The following TMTC2 variants were observed in gnomAD, a reference collection of about 807,000 sequenced individuals.
TMTC2 encodes the protein protein O-mannosyl-transferase TMTC2.
Under a neutral mutation model 82.4 loss-of-function variants are expected in TMTC2, and 43 were observed. The ratio of observed to expected loss-of-function variants is 0.52; its 90% CI spans 0.41 to 0.67. The LOEUF is 0.67. Ranked by LOEUF, TMTC2 falls within the 30% of genes least tolerant of loss-of-function variation. The pLI is 0.00. For synonymous variants in TMTC2, 408 were observed against 381.9 expected (o/e 1.07, Z -0.80); for missense variants, 919 against 1,012.4 (o/e 0.91, Z 1.25).
intron 4 of TMTC2, among the ~76,000 whole-genome samples, chr12:82,954,232 T>C (rs1350081644): frequency 6.6e-6 from 1 of 152,184 alleles, no homozygotes; most frequent in Non-Finnish European, 1.5e-5. Flanking sequence ...CATGGCTTGA[T>C]CTGTCTGGAA....
chr12:82,998,458 CAA>C (rs1230558477), intron 8 of TMTC2, among the ~76,000 whole-genome samples: 1 of 151,880 alleles, frequency 6.6e-6, no homozygotes, highest in East Asian at 1.9e-4. Context: ...TTAAAAAAAA[CAA>C]AAACAACTTT....
intron 4 of TMTC2, among the ~76,000 whole-genome samples, chr12:82,949,783 A>G (rs1409075159): frequency 2.0e-5 from 3 of 152,174 alleles, no homozygotes; most frequent in African/African-American, 4.8e-5. Context: ...TTCCCTGGCT[A>G]TGCCATTTTG....
intron 2 of TMTC2, among the ~76,000 whole-genome samples, chr12:82,873,307 G>T (rs1481497550): frequency 6.6e-6 from 1 of 151,470 alleles, no homozygotes; most frequent in Non-Finnish European, 1.5e-5. Flanking sequence ...AACCATGTGG[G>T]TCAGTAAACC....
intron 11 of TMTC2, among the ~76,000 whole-genome samples, chr12:83,107,493 C>G (rs1401184651): frequency 2.0e-5 from 3 of 152,086 alleles, no homozygotes; most frequent in Non-Finnish European, 4.4e-5. Context: ...GCCATTAATC[C>G]CCTCATGGGA....
chr12:82,889,229 A>G (rs1272876428), intron 2 of TMTC2, among the ~76,000 whole-genome samples: 1 of 146,626 alleles, frequency 6.8e-6, no homozygotes, highest in Non-Finnish European at 1.5e-5. Flanking sequence ...GTGAGCCGAG[A>G]TCGTACCATT....
In TMTC2 at chr12:82,834,888, T is replaced by A. The variant is rs191898769; in HGVS notation, c.84-22122T>A. ...GATATTTATCATCATTTTATTATTT[T>A]TTTTTTTGAGATGCAATCTTGCCCT... On this transcript the variant is annotated intron_variant, in intron 1 of 11. Coordinates refer to ENST00000321196, the MANE Select transcript of TMTC2 (RefSeq NM_152588.3). Among the ~76,000 whole-genome samples, 1,439 of 152,254 alleles carry A rather than the reference T, an allele frequency of 9.5e-3. 19 individuals are homozygous for A. The highest frequency in any genetic ancestry group is 0.032 in the African/African-American group (1,324 of 41,526).
chr12:83,062,663 G>A (rs910255965), intron 11 of TMTC2, among the ~76,000 whole-genome samples: 3 of 151,806 alleles, frequency 2.0e-5, no homozygotes, highest in Admixed American at 1.3e-4. Context: ...AGCATCTATA[G>A]AGTGCCTGCT....
chr12:82,687,172 C>G lies in TMTC2; in HGVS notation c.-415C>G, dbSNP rs1304295212. 2 of 189,458 alleles carry G rather than the reference C, an allele frequency of 1.1e-5. No homozygotes were observed. The highest frequency in any genetic ancestry group is 3.0e-4 in the East Asian group (2 of 6,692). 11.7% of individuals were successfully genotyped at this position (189,458 alleles called of 1,614,324 possible). On this transcript the variant is annotated 5_prime_UTR_variant, in exon 1 of 12. Transcript: ENST00000321196. Reference sequence around the variant, plus strand: ...AGCTGGTCCCAGAGCCCGGCTTGGTCCGGTCCCTCTGCCCCCATCCCGCAC... The same window carrying G: ...AGCTGGTCCCAGAGCCCGGCTTGGTGCGGTCCCTCTGCCCCCATCCCGCAC...
chr12:82,944,385 A>G (rs896830263), intron 4 of TMTC2, among the ~76,000 whole-genome samples: 7 of 151,784 alleles, frequency 4.6e-5, no homozygotes, highest in Non-Finnish European at 8.8e-5. Flanking sequence ...GAGATCGAGA[A>G]CATCCTGGCT....
chr12:83,032,962 T>G (rs1438948959), intron 9 of TMTC2, among the ~76,000 whole-genome samples: 1 of 152,200 alleles, frequency 6.6e-6, no homozygotes, highest in African/African-American at 2.4e-5. Context: ...TGGATTGTTT[T>G]AAGTATTTTG....
chr12:82,791,217 G>T (rs953850536), intron 1 of TMTC2, among the ~76,000 whole-genome samples: 3 of 151,868 alleles, frequency 2.0e-5, no homozygotes, highest in Non-Finnish European at 4.4e-5. Flanking sequence ...TATTACTAAG[G>T]TTTTTTATTT....
chr12:83,068,943 T>C (rs1157423653), intron 11 of TMTC2, among the ~76,000 whole-genome samples: 1 of 152,040 alleles, frequency 6.6e-6, no homozygotes, highest in East Asian at 1.9e-4. Flanking sequence ...CCACATATCA[T>C]TGAGAACATA....
chr12:83,114,327 G>A (rs1251653288), intron 11 of TMTC2, among the ~76,000 whole-genome samples: 3 of 152,098 alleles, frequency 2.0e-5, no homozygotes, highest in Non-Finnish European at 2.9e-5. Flanking sequence ...GGAAGGCCAT[G>A]CGAAAACATA....
chr12:83,110,705 ACT>A (rs1459147517), intron 11 of TMTC2, among the ~76,000 whole-genome samples: 1 of 151,852 alleles, frequency 6.6e-6, no homozygotes, highest in Non-Finnish European at 1.5e-5. Flanking sequence ...CAACCACCTA[ACT>A]CTGGTACCTC....
In TMTC2 at chr12:82,896,188, T is replaced by C. The variant is rs779708065; in HGVS notation, c.1025T>C (p.Val342Ala). Reference protein sequence around the residue: ...SVDRECNGKTVTNGKQNANGH... With the variant: ...SVDRECNGKTATNGKQNANGH... ...GACAGAGAATGCAATGGGAAAACTG[T>C]AACAAATGGCAAGCAGAATGCAAAT... The change falls in exon 3 of 12, where the codon GTA (valine) becomes GCA (alanine). Residue 342 changes from valine to alanine, a missense_variant. Coordinates refer to ENST00000321196, the MANE Select transcript of TMTC2 (RefSeq NM_152588.3). 11 of 1,613,858 alleles carry C rather than the reference T, an allele frequency of 6.8e-6. No homozygotes were observed. Among genetic ancestry groups the C allele is most frequent in the Admixed American group, 1.7e-5 (1 of 59,952 alleles).
At chr12:82,873,941 G>A (rs890218149) in intron 2 of TMTC2, among the ~76,000 whole-genome samples, 4 of 151,994 alleles carry the variant, frequency 2.6e-5, no homozygotes, top group African/African-American at 9.7e-5. Context: ...GCTTCCTAGA[G>A]GCAAATTCAC....
At chr12:82,817,504 C>T (rs1394420483) in intron 1 of TMTC2, among the ~76,000 whole-genome samples, 2 of 152,034 alleles carry the variant, frequency 1.3e-5, no homozygotes, top group East Asian at 3.8e-4. Flanking sequence ...TGACAGAAGG[C>T]CATTTCTGCT....
intron 1 of TMTC2, among the ~76,000 whole-genome samples, chr12:82,808,392 TA>T (rs1879337781): frequency 6.6e-6 from 1 of 152,088 alleles, no homozygotes; most frequent in African/African-American, 2.4e-5. Flanking sequence ...TTAACTACAA[TA>T]AAATAACTTT....
chr12:82,782,470 G>A (rs1319474778), intron 1 of TMTC2, among the ~76,000 whole-genome samples: 1 of 152,024 alleles, frequency 6.6e-6, no homozygotes, highest in African/African-American at 2.4e-5. Context: ...CCTAGTGTTT[G>A]GATAAAGGAA....
Sources: allele counts gnomAD v4.1 joint callset (sites outside exome capture counted in the v4.1 genomes callset), GRCh38; gene constraint gnomAD v4.1.1; transcripts MANE v1.5; gene names NCBI Gene and HGNC (gene_info 2026-07-23, HGNC 2026-07-21).